KCNAB1: variants seen among roughly 807,000 people sequenced by gnomAD.
KCNAB1 encodes the protein voltage-gated potassium channel subunit beta-1.
KCNAB1 carries 35 observed loss-of-function variants against 64.6 expected under a neutral mutation model. The ratio of observed to expected loss-of-function variants is 0.54; its 90% CI spans 0.41 to 0.72. KCNAB1 has a LOEUF of 0.72. KCNAB1 is among the 30% of genes least tolerant of loss of function. The pLI is 0.00. For synonymous variants in KCNAB1, 177 were observed against 183.8 expected (o/e 0.96, Z 0.30); for missense variants, 401 against 512.9 (o/e 0.78, Z 2.11).
chr3:156,261,476 C>G (rs1421879399), intron 1 of KCNAB1, among the ~76,000 whole-genome samples: 1 of 151,948 alleles, frequency 6.6e-6, no homozygotes, highest in Admixed American at 6.6e-5. Flanking sequence ...ATTGTCCTAG[C>G]ACTATTTTTT....
At chr3:156,464,766 C>T (rs1713232349) in intron 6 of KCNAB1, among the ~76,000 whole-genome samples, 2 of 152,094 alleles carry the variant, frequency 1.3e-5, no homozygotes, top group African/African-American at 2.4e-5. Context: ...AAAAATAAAG[C>T]AACATCATGC....
chr3:156,175,713 T>A (rs756698925), intron 1 of KCNAB1: 1 of 529,346 alleles, frequency 1.9e-6, no homozygotes, highest in Non-Finnish European at 3.6e-6. Flanking sequence ...GGGATAGCAG[T>A]GGTTTTTGGA....
chr3:156,471,824 C>T (rs2108314016), intron 7 of KCNAB1, among the ~76,000 whole-genome samples: 1 of 152,250 alleles, frequency 6.6e-6, no homozygotes, highest in Admixed American at 6.5e-5. Flanking sequence ...AAAATTAAAG[C>T]ATCCAGAGAG....
intron 1 of KCNAB1, among the ~76,000 whole-genome samples, chr3:156,361,218 G>A (rs905006160): frequency 1.3e-5 from 2 of 152,168 alleles, no homozygotes; most frequent in African/African-American, 4.8e-5. Flanking sequence ...AACAGACCAA[G>A]CCCCTCCTAC....
intron 1 of KCNAB1, chr3:156,291,240 A>G (rs1720391212): frequency 5.1e-6 from 5 of 986,854 alleles, no homozygotes; most frequent in Non-Finnish European, 4.8e-6. Flanking sequence ...AGGCTCAGCA[A>G]CCCAGGCTTT....
intron 2 of KCNAB1, among the ~76,000 whole-genome samples, chr3:156,427,483 C>A (rs1283244838): frequency 6.6e-6 from 1 of 152,176 alleles, no homozygotes; most frequent in Non-Finnish European, 1.5e-5. Context: ...ACTCCTATTG[C>A]ACTTTAGCAG....
At chr3:156,338,540 G>A (rs1317999161) in intron 1 of KCNAB1, among the ~76,000 whole-genome samples, 5 of 152,066 alleles carry the variant, frequency 3.3e-5, no homozygotes, top group East Asian at 3.9e-4. Flanking sequence ...TTGAACTCCC[G>A]ACCTCAGGTG....
intron 1 of KCNAB1, among the ~76,000 whole-genome samples, chr3:156,250,107 G>T (rs1432630156): frequency 6.6e-6 from 1 of 152,156 alleles, no homozygotes; most frequent in Non-Finnish European, 1.5e-5. Context: ...AGGTTTTATA[G>T]CATCTTTGAA....
rs115741948 is a variant in KCNAB1 at position 156,326,492 on chromosome 3, T to A, written c.276-95124T>A. The stretch of plus-strand genomic sequence containing the variant: ...GTAATGGCAAGGAATGGGATTCTCA[T>A]GATGAAAAACATTACATTCTCAGTA... On this transcript the variant is annotated intron_variant, in intron 1 of 13. Transcript: ENST00000490337. 5.6e-3 allele frequency among the ~76,000 whole-genome samples: 848 copies of A among 152,254 alleles called. 9 individuals carry two copies. Among genetic ancestry groups the A allele is most frequent in the African/African-American group, 0.02 (811 of 41,544 alleles).
chr3:156,183,209 G>A (rs1202430822), intron 1 of KCNAB1, among the ~76,000 whole-genome samples: 2 of 152,088 alleles, frequency 1.3e-5, no homozygotes, highest in African/African-American at 2.4e-5. Context: ...AGAGAACCCC[G>A]GGAGGGAGAC....
intron 1 of KCNAB1, among the ~76,000 whole-genome samples, chr3:156,380,545 A>G (rs534962736): frequency 6.6e-6 from 1 of 152,282 alleles, no homozygotes; most frequent in South Asian, 2.1e-4. Context: ...TAGAGCACTT[A>G]TCAGGTAGAT....
intron 8 of KCNAB1, among the ~76,000 whole-genome samples, chr3:156,505,866 C>A (rs150052051): frequency 7.3e-4 from 111 of 152,110 alleles, no homozygotes; most frequent in African/African-American, 2.6e-3. Flanking sequence ...AAAGGGAGAT[C>A]CCAGACTCTT....
chr3:156,256,030 A>G (rs538389381), intron 1 of KCNAB1, among the ~76,000 whole-genome samples: 102 of 152,374 alleles, frequency 6.7e-4, no homozygotes, highest in Middle Eastern at 3.4e-3. Flanking sequence ...ATGGAAGACT[A>G]TTATGATTTT....
rs1370414502 is a variant in KCNAB1, at chr3:156,174,777, G to A, written c.275+53891G>A. On this transcript the variant is annotated intron_variant, in intron 1 of 13. Coordinates refer to ENST00000490337, the MANE Select transcript of KCNAB1 (RefSeq NM_172160.3). Reference sequence around the variant, plus strand: ...AGCTCAGCCTCCCATCAGGAGGCATGGAGCCACCAACGCAGGGGTCTAAAA... The same window carrying A: ...AGCTCAGCCTCCCATCAGGAGGCATAGAGCCACCAACGCAGGGGTCTAAAA... 2.6e-5 allele frequency among the ~76,000 whole-genome samples: 4 copies of A among 152,180 alleles called. No homozygotes were observed. In the South Asian group the frequency reaches 6.2e-4, roughly 24 times the overall value.
intron 1 of KCNAB1, chr3:156,273,516 A>G: frequency 2.2e-6 from 1 of 450,596 alleles, no homozygotes; most frequent in African/African-American, 2.0e-5. Context: ...TCCAATACAC[A>G]GTTTTACAAT....
At chr3:156,261,576 G>A (rs539738755) in intron 1 of KCNAB1, among the ~76,000 whole-genome samples, 1 of 152,104 alleles carries the variant, frequency 6.6e-6, no homozygotes, top group East Asian at 1.9e-4. Context: ...TTATTACTAA[G>A]TCTCAGTTCT....
intron 1 of KCNAB1, among the ~76,000 whole-genome samples, chr3:156,157,644 C>T (rs1417281258): frequency 3.9e-5 from 6 of 152,098 alleles, no homozygotes; most frequent in Non-Finnish European, 8.8e-5. Flanking sequence ...GGTGTGTATG[C>T]GTATGCATGT....
At chr3:156,492,038 A>G (rs754979498) in intron 8 of KCNAB1, among the ~76,000 whole-genome samples, 1 of 152,144 alleles carries the variant, frequency 6.6e-6, no homozygotes, top group Non-Finnish European at 1.5e-5. Flanking sequence ...CTCATAGCTA[A>G]TTATTGGAGG....
intron 1 of KCNAB1, among the ~76,000 whole-genome samples, chr3:156,164,829 G>T (rs1299698908): frequency 1.3e-5 from 2 of 152,086 alleles, no homozygotes; most frequent in African/African-American, 4.8e-5. Flanking sequence ...TTTGTAGTTA[G>T]CCCAGCAAAA....
Sources: gnomAD v4.1 joint callset for allele counts (sites outside exome capture counted in the v4.1 genomes callset) on GRCh38, gnomAD v4.1.1 for gene constraint, MANE v1.5 for transcripts, NCBI Gene and HGNC (gene_info 2026-07-23, HGNC 2026-07-21) for gene names.